The following AGO3 variants were observed in gnomAD, a reference collection of about 807,000 sequenced individuals.
The protein encoded by AGO3 is argonaute RISC catalytic component 3.
Under a neutral mutation model 105.5 loss-of-function variants are expected in AGO3, and 16 were observed. The ratio of observed to expected loss-of-function variants is 0.15; its 90% CI spans 0.10 to 0.23. AGO3 has a LOEUF of 0.23. Among genes scored for constraint, AGO3 ranks in the 10% least tolerant of loss-of-function variants. The pLI, the probability that AGO3 is intolerant of heterozygous loss-of-function variation, is 1.00. For missense variants in AGO3, 534 were observed against 1,088.0 expected, an observed-to-expected ratio of 0.49 and a Z score of 7.16; for synonymous variants, 340 against 367.3, an observed-to-expected ratio of 0.93 and a Z score of 0.85.
At chr1:35,960,826 C>T (rs927175449) in intron 2 of AGO3, among the ~76,000 whole-genome samples, 1 of 151,986 alleles carries the variant, frequency 6.6e-6, no homozygotes. Context: ...GTGCTATTTC[C>T]TTAAGGCTCT....
intron 1 of AGO3, among the ~76,000 whole-genome samples, chr1:35,944,628 G>A (rs1646327100): frequency 7.3e-6 from 1 of 136,772 alleles, no homozygotes; most frequent in Non-Finnish European, 1.5e-5. Flanking sequence ...AGCCTGCTAA[G>A]TAGCTGGAAC....
At chr1:35,945,648 C>T (rs755375459) in intron 1 of AGO3, 44 bp from the exon 2 acceptor site, 3 of 1,586,980 alleles carry the variant, frequency 1.9e-6, no homozygotes, top group African/African-American at 1.4e-5. Context: ...CTTTGGAATA[C>T]AGCTTGTAAC....
chr1:35,958,148 C>A (rs1347505789), intron 2 of AGO3, among the ~76,000 whole-genome samples: 1 of 151,738 alleles, frequency 6.6e-6, no homozygotes, highest in Admixed American at 6.6e-5. Context: ...TTTGGGAGGC[C>A]AAGGCGGGCG....
chr1:35,947,453 G>A (rs1346140052), intron 2 of AGO3, among the ~76,000 whole-genome samples: 1 of 152,090 alleles, frequency 6.6e-6, no homozygotes, highest in Non-Finnish European at 1.5e-5. Context: ...CCATTGTGGT[G>A]TTTTTAGTGC....
rs549225950 is a variant in AGO3 at position 35,969,390 on chromosome 1, C to T, written c.312+2315C>T. Among the ~76,000 whole-genome samples the T allele has an allele frequency of 3.9e-5, 6 of 152,172 alleles. No individual in the cohort carries two copies. The South Asian group carries it at 1.0e-3, about 26-fold the overall frequency. ...AGATACTTTTAAGGATCCTGTTGCT[C>T]ATTGGATTTTGATTATTCTTGCTTG... On this transcript the variant is annotated intron_variant, in intron 3 of 18. Coordinates refer to ENST00000373191, the MANE Select transcript of AGO3 (RefSeq NM_024852.4).
chr1:36,037,882 A>G (rs1225626237), intron 14 of AGO3, among the ~76,000 whole-genome samples: 1 of 152,224 alleles, frequency 6.6e-6, no homozygotes, highest in Admixed American at 6.5e-5. Flanking sequence ...AGGTTTAAGC[A>G]TATTTTAATT....
At chr1:35,945,213 C>T (rs967368819) in intron 1 of AGO3, among the ~76,000 whole-genome samples, 1 of 145,746 alleles carries the variant, frequency 6.9e-6, no homozygotes. Flanking sequence ...CTTTTCTTTT[C>T]TTTTTTTTTT....
intron 5 of AGO3, among the ~76,000 whole-genome samples, chr1:35,997,610 A>G (rs778788505): frequency 3.3e-5 from 5 of 152,202 alleles, no homozygotes; most frequent in Non-Finnish European, 7.4e-5. Context: ...GTTTAGATGT[A>G]TTAAAAGCAT....
intron 11 of AGO3, among the ~76,000 whole-genome samples, chr1:36,016,963 G>C (rs1446746769): frequency 6.6e-6 from 1 of 152,032 alleles, no homozygotes; most frequent in Non-Finnish European, 1.5e-5. Flanking sequence ...CCTCCCTTTT[G>C]GTTAGGTCCT....
At chr1:35,975,858 A>G (rs946264771) in intron 5 of AGO3, among the ~76,000 whole-genome samples, 1 of 151,514 alleles carries the variant, frequency 6.6e-6, no homozygotes, top group Non-Finnish European at 1.5e-5. Flanking sequence ...ATGTCTTTCT[A>G]TTTGTTTAAG....
chr1:36,013,408 A>T, intron 9 of AGO3: 1 of 498,358 alleles, frequency 2.0e-6, no homozygotes, highest in Admixed American at 3.4e-5. Context: ...CATACATACA[A>T]ATTTTGTATA....
intron 2 of AGO3, among the ~76,000 whole-genome samples, chr1:35,957,395 C>A (rs1372518274): frequency 6.6e-5 from 10 of 151,258 alleles, no homozygotes; most frequent in Admixed American, 2.0e-4. Flanking sequence ...AAAAATAATT[C>A]ACATATGAAA....
chr1:35,949,355 A>T (rs1646427687), intron 2 of AGO3, among the ~76,000 whole-genome samples: 1 of 152,228 alleles, frequency 6.6e-6, no homozygotes, highest in Non-Finnish European at 1.5e-5. Flanking sequence ...TGCAAAACTT[A>T]TTCCGTTTTC....
chr1:35,986,212 T>TA (rs1326347696), intron 5 of AGO3, among the ~76,000 whole-genome samples: 2 of 152,162 alleles, frequency 1.3e-5, no homozygotes, highest in African/African-American at 2.4e-5. Context: ...TTAAAACCCA[T>TA]AAAGAGATAT....
rs1425403965 is a variant in AGO3, at chr1:36,063,442, G to A, written c.*7697G>A. 1 of 151,544 alleles carries A rather than the reference G, an allele frequency of 6.6e-6. No individual in the cohort carries two copies. The highest frequency in any genetic ancestry group is 1.5e-5 in the Non-Finnish European group (1 of 67,934). The allele number at this position is 151,544 out of a possible 1,614,324, so 9.4% of individuals were successfully genotyped here. A position where few individuals can be genotyped will look rare whatever the true frequency, so the allele number is the denominator to read the frequency against. ...GCATTAGGATTAAGATACCATTTTTGTAGGCCTGGAAAACAAATAGCAAAT... is the reference window on the plus strand; with the variant it reads ...GCATTAGGATTAAGATACCATTTTTATAGGCCTGGAAAACAAATAGCAAAT... On this transcript the variant is annotated 3_prime_UTR_variant, in exon 19 of 19. Coordinates refer to ENST00000373191, the MANE Select transcript of AGO3 (RefSeq NM_024852.4).
At chr1:36,022,945 CA>C (rs370799633) in intron 11 of AGO3, among the ~76,000 whole-genome samples, 2 of 66,048 alleles carry the variant, frequency 3.0e-5, no homozygotes, top group African/African-American at 3.7e-5. Context: ...AAAAAAAAAA[CA>C]AAAAAAAAAG....
intron 5 of AGO3, among the ~76,000 whole-genome samples, chr1:35,995,199 TAAAAA>T (rs1295296314): frequency 2.7e-5 from 3 of 110,600 alleles, no homozygotes; most frequent in African/African-American, 1.2e-4. Context: ...AGACACTGTC[TAAAAA>T]AAAAAATATA....
At chr1:35,995,369 C>T (rs890511069) in intron 5 of AGO3, among the ~76,000 whole-genome samples, 6 of 151,922 alleles carry the variant, frequency 3.9e-5, no homozygotes, top group South Asian at 4.2e-4. Flanking sequence ...GTGTTCAAGA[C>T]GTGCTATAAA....
intron 2 of AGO3, among the ~76,000 whole-genome samples, chr1:35,964,062 T>A (rs994326971): frequency 2.0e-5 from 3 of 152,094 alleles, no homozygotes; most frequent in African/African-American, 7.2e-5. Flanking sequence ...ATATATATAT[T>A]TTGCCAAAAT....
Sources: gnomAD v4.1 joint callset for allele counts (sites outside exome capture counted in the v4.1 genomes callset) on GRCh38, gnomAD v4.1.1 for gene constraint, MANE v1.5 for transcripts, NCBI Gene and HGNC (gene_info 2026-07-23, HGNC 2026-07-21) for gene names.